Variants in PIK3R4 observed in about 807,000 individuals in gnomAD.
The protein encoded by PIK3R4 is phosphoinositide 3-kinase regulatory subunit 4.
PIK3R4 carries 46 observed loss-of-function variants against 136.5 expected under a neutral mutation model. The ratio of observed to expected loss-of-function variants is 0.34; its 90% CI spans 0.27 to 0.43. The LOEUF is 0.43. Among genes scored for constraint, PIK3R4 ranks in the 20% least tolerant of loss-of-function variants. PIK3R4 has a pLI of 1.00. For synonymous variants in PIK3R4, 557 were observed against 566.7 expected, an observed-to-expected ratio of 0.98 and a Z score of 0.24; for missense variants, 1,331 against 1,649.5, an observed-to-expected ratio of 0.81 and a Z score of 3.35.
chr3:130,718,611 C>A (rs1349691277), intron 7 of PIK3R4, 77 bp from the exon 8 acceptor site: 1 of 1,424,658 alleles, frequency 7.0e-7, no homozygotes, highest in South Asian at 1.2e-5. Flanking sequence ...TACCTTATAA[C>A]GTAACTGACA....
At position 130,728,580 on chromosome 3, in the gene PIK3R4, G is replaced by A. The variant is rs761778011; in HGVS notation, c.1690C>T (p.Leu564=). Residue 564 remains leucine (L), a synonymous_variant, in exon 6 of 20, where the codon CTG becomes TTG. Coordinates refer to ENST00000356763, the MANE Select transcript of PIK3R4 (RefSeq NM_014602.3). Reference sequence around the variant, plus strand: ...TTCTGACGTCCAAAGAATACACACAGCCGTGTTATTCCATTTTCCATCAAG... The same window carrying A: ...TTCTGACGTCCAAAGAATACACACAACCGTGTTATTCCATTTTCCATCAAG... The part of the protein sequence containing the change: ...QTLMENGITR[L]CVFFGRQKAN... The A allele has an allele frequency of 3.1e-6, 5 of 1,612,232 alleles. No homozygotes were observed. Among genetic ancestry groups the A allele is most frequent in the Non-Finnish European group, 3.4e-6 (4 of 1,179,030 alleles).
At chr3:130,694,147 T>C (rs938292841) in intron 13 of PIK3R4, among the ~76,000 whole-genome samples, 3 of 152,292 alleles carry the variant, frequency 2.0e-5, no homozygotes, top group East Asian at 1.9e-4. Flanking sequence ...TCTATCCTTA[T>C]ACCCGTACTA....
At chr3:130,715,846 A>G (rs2066661732) in intron 9 of PIK3R4, among the ~76,000 whole-genome samples, 2 of 152,314 alleles carry the variant, frequency 1.3e-5, no homozygotes, top group South Asian at 4.1e-4. Context: ...GGCATTACCA[A>G]TGCCAAGTGT....
chr3:130,727,875 T>C (rs1432125910), intron 6 of PIK3R4, among the ~76,000 whole-genome samples: 1 of 152,100 alleles, frequency 6.6e-6, no homozygotes, highest in Non-Finnish European at 1.5e-5. Flanking sequence ...AAGTCATGCA[T>C]ATAAAACACA....
rs533922514 is a variant in PIK3R4, at chr3:130,725,057, T to C, written c.1808-1470A>G. On this transcript the variant is annotated intron_variant, in intron 6 of 19. Coordinates refer to ENST00000356763, the MANE Select transcript of PIK3R4 (RefSeq NM_014602.3). ...TTATGATTAAAAAATTATGTTATAA[T>C]TGTTTTCTTTAATAAAAGGAAAAAT... Among the ~76,000 whole-genome samples the C allele has an allele frequency of 2.0e-5, 3 of 152,156 alleles. No individual in the cohort carries two copies. In the South Asian group the frequency reaches 6.2e-4, roughly 32 times the overall value.
At chr3:130,744,335 T>C in intron 2 of PIK3R4, 151 bp downstream of exon 2, 1 of 778,184 alleles carries the variant, frequency 1.3e-6, no homozygotes, top group Non-Finnish European at 2.1e-6. Flanking sequence ...ACATATCCAA[T>C]GCAGGAATGC....
intron 2 of PIK3R4, among the ~76,000 whole-genome samples, chr3:130,742,349 G>A (rs565911615): frequency 5.3e-5 from 8 of 152,290 alleles, no homozygotes; most frequent in East Asian, 1.9e-4. Flanking sequence ...ATAAAAATAA[G>A]CTTATCAACC....
At position 130,707,109 on chromosome 3, in the gene PIK3R4, T is replaced by G. The variant is rs747675546; in HGVS notation, c.2560A>C (p.Asn854His). The change falls in exon 11 of 20, where the codon AAT (asparagine) becomes CAT (histidine). Residue 854 changes from asparagine to histidine, a missense_variant. Around this residue, in one of 2 missense-constraint regions of PIK3R4, gnomAD observed 1,180 missense variants for 1,407.0 expected, o/e 0.84. Transcript: ENST00000356763. Reference sequence around the variant, plus strand: ...ATGCTTTTCCATTCTTCATTTACATTTGAGTCTTGTTTTACATGTTTTCTG... The same window carrying G: ...ATGCTTTTCCATTCTTCATTTACATGTGAGTCTTGTTTTACATGTTTTCTG... ...RARKHVKQDS[N>H]VNEEWKSMFG... 1.9e-6 allele frequency: 3 copies of G among 1,606,980 alleles called. No homozygotes were observed. The highest frequency in any genetic ancestry group is 2.5e-6 in the Non-Finnish European group (3 of 1,177,562).
intron 2 of PIK3R4, among the ~76,000 whole-genome samples, chr3:130,744,207 A>G (rs539572576): frequency 6.6e-6 from 1 of 152,382 alleles, no homozygotes; most frequent in African/African-American, 2.4e-5. Flanking sequence ...AAAATATATT[A>G]TCCACCAATA....
At chr3:130,739,887 T>C (rs1208441730) in intron 2 of PIK3R4, among the ~76,000 whole-genome samples, 1 of 152,168 alleles carries the variant, frequency 6.6e-6, no homozygotes, top group Non-Finnish European at 1.5e-5. Flanking sequence ...AATCTTATCA[T>C]GAGGAAACAT....
At chr3:130,732,399 A>G (rs2107619137) in intron 4 of PIK3R4, among the ~76,000 whole-genome samples, 1 of 152,140 alleles carries the variant, frequency 6.6e-6, no homozygotes, top group East Asian at 1.9e-4. Context: ...AAGTAGGATC[A>G]TAAAATTCTG....
In PIK3R4 at chr3:130,686,342, G is replaced by C. The variant is rs768351225; in HGVS notation, c.3344C>G (p.Ala1115Gly). The C allele has an allele frequency of 2.7e-5, 44 of 1,612,574 alleles. No individual in the cohort carries two copies. In the East Asian group the frequency reaches 9.1e-4, roughly 33 times the overall value. ...GCCAACCAGAGAGCCATTCACAGTG[G>C]CATAGGCAAGAACAGACTGTGCTCC... ...NSGAQSVLAY[A>G]TVNGSLVGWD... Residue 1115 changes from alanine (A) to glycine (G), a missense_variant, in exon 15 of 20, where the codon GCC becomes GGC. Ala to Gly is a moderately conservative substitution (Grantham distance 60). Coordinates refer to ENST00000356763, the MANE Select transcript of PIK3R4 (RefSeq NM_014602.3).
chr3:130,713,532 T>G (rs2066643729), intron 9 of PIK3R4, among the ~76,000 whole-genome samples: 1 of 152,156 alleles, frequency 6.6e-6, no homozygotes, highest in East Asian at 1.9e-4. Context: ...CTATGGAAAC[T>G]GTTCCTTCCC....
chr3:130,699,108 G>C (rs530453896), intron 13 of PIK3R4, among the ~76,000 whole-genome samples: 11 of 152,220 alleles, frequency 7.2e-5, no homozygotes, highest in African/African-American at 2.6e-4. Flanking sequence ...ACATACATGT[G>C]GTCTTATAAG....
intron 7 of PIK3R4, among the ~76,000 whole-genome samples, chr3:130,719,673 G>A (rs988324107): frequency 1.3e-5 from 2 of 152,144 alleles, no homozygotes; most frequent in African/African-American, 2.4e-5. Context: ...CGGTTTGACA[G>A]GAGTTGGGAA....
chr3:130,719,177 T>C (rs1052545169), intron 7 of PIK3R4, among the ~76,000 whole-genome samples: 2 of 152,072 alleles, frequency 1.3e-5, no homozygotes, highest in Non-Finnish European at 2.9e-5. Context: ...AACCAGAAAA[T>C]TAAATGAATG....
intron 13 of PIK3R4, 59 bp downstream of exon 13, chr3:130,703,664 C>T (rs2066591599): frequency 2.3e-6 from 3 of 1,293,038 alleles, no homozygotes; most frequent in African/African-American, 1.5e-5. Context: ...AGAGTAAACA[C>T]TCAATAAACA....
chr3:130,705,443 C>A, intron 12 of PIK3R4, 118 bp downstream of exon 12: 1 of 681,116 alleles, frequency 1.5e-6, no homozygotes, highest in Non-Finnish European at 2.6e-6. Context: ...CTGGGTTTCC[C>A]AAATAACATT....
intron 9 of PIK3R4, among the ~76,000 whole-genome samples, chr3:130,713,768 G>A (rs1245066979): frequency 6.6e-6 from 1 of 152,180 alleles, no homozygotes; most frequent in African/African-American, 2.4e-5. Context: ...TGCCTCCCAG[G>A]TTCAAGCGAT....
Sources: allele counts gnomAD v4.1 joint callset (sites outside exome capture counted in the v4.1 genomes callset), GRCh38; gene constraint gnomAD v4.1.1; regional missense constraint gnomAD v4.1.1; transcripts MANE v1.5; gene names NCBI Gene and HGNC (gene_info 2026-07-23, HGNC 2026-07-21).